The following MAGI1 variants were observed in gnomAD, a reference collection of about 807,000 sequenced individuals.
MAGI1 encodes membrane-associated guanylate kinase, WW and PDZ domain-containing protein 1.
A neutral mutation model predicts 139.9 loss-of-function variants in MAGI1; 58 were observed. The ratio of observed to expected loss-of-function variants is 0.41; its 90% CI spans 0.34 to 0.52. The LOEUF (loss-of-function observed/expected upper bound fraction) is 0.52. MAGI1 is among the 20% of genes least tolerant of loss of function. MAGI1 has a pLI of 0.12. For synonymous variants in MAGI1, 812 were observed against 737.9 expected (o/e 1.10, Z -1.63); for missense variants, 1,874 against 1,901.6 (o/e 0.99, Z 0.27).
chr3:65,838,135 A>C (rs2058688695), intron 1 of MAGI1, among the ~76,000 whole-genome samples: 1 of 152,140 alleles, frequency 6.6e-6, no homozygotes. Context: ...CTGGCTGGGC[A>C]CAGTATTTTA....
Position 66,038,624 on chromosome 3 carries a change from A to ATTTTT in MAGI1, c.-321_-317dup, listed in dbSNP as rs143358407. On this transcript the variant is annotated 5_prime_UTR_variant, in exon 1 of 23. Transcript: ENST00000402939. ...GAGTCCACTCTGCGCCGCTCGGGTT[A>ATTTTT]TTTTTTTTTCCTTCCTTCCTTTCTC... is the stretch of plus-strand genomic sequence containing the variant. 9.5e-6 allele frequency: 3 copies of ATTTTT among 316,168 alleles called. No individual in the cohort carries two copies. Among genetic ancestry groups the ATTTTT allele is most frequent in the Non-Finnish European group, 1.7e-5 (3 of 174,508 alleles). The allele number at this position is 316,168 out of a possible 1,614,324, so 19.6% of individuals were successfully genotyped here. A position where few individuals can be genotyped will look rare whatever the true frequency, so the allele number is the denominator to read the frequency against.
At chr3:65,755,047 G>A (rs1340173377) in intron 1 of MAGI1, among the ~76,000 whole-genome samples, 1 of 151,590 alleles carries the variant, frequency 6.6e-6, no homozygotes, top group Non-Finnish European at 1.5e-5. Flanking sequence ...TCCATGTCCT[G>A]GGTTCCAGCA....
intron 5 of MAGI1, among the ~76,000 whole-genome samples, chr3:65,460,930 T>A (rs1949739273): frequency 6.6e-6 from 1 of 152,222 alleles, no homozygotes; most frequent in Admixed American, 6.5e-5. Flanking sequence ...TGCCACATTT[T>A]CTTTATCCAG....
intron 13 of MAGI1, among the ~76,000 whole-genome samples, chr3:65,393,444 G>A (rs996813014): frequency 6.6e-6 from 1 of 152,020 alleles, no homozygotes; most frequent in African/African-American, 2.4e-5. Context: ...ATGGTGCATA[G>A]AGAATACTTT....
intron 1 of MAGI1, among the ~76,000 whole-genome samples, chr3:65,813,101 C>G (rs1328082391): frequency 6.6e-6 from 1 of 151,922 alleles, no homozygotes; most frequent in Admixed American, 6.6e-5. Flanking sequence ...CAACAGCATT[C>G]AAGGAAACGA....
intron 1 of MAGI1, among the ~76,000 whole-genome samples, chr3:65,643,129 C>T (rs754671634): frequency 5.3e-4 from 81 of 152,332 alleles, no homozygotes; most frequent in Admixed American, 1.6e-3. Flanking sequence ...TTCTGAACTG[C>T]AGCAGACCAG....
chr3:65,449,668 C>T (rs571556218), intron 6 of MAGI1, among the ~76,000 whole-genome samples: 7 of 152,098 alleles, frequency 4.6e-5, no homozygotes, highest in African/African-American at 1.4e-4. Flanking sequence ...CCCAGCCACT[C>T]GGGAGGCTGA....
chr3:65,598,389 G>A (rs2082329271), intron 2 of MAGI1, among the ~76,000 whole-genome samples: 1 of 152,184 alleles, frequency 6.6e-6, no homozygotes, highest in Non-Finnish European at 1.5e-5. Context: ...GAGGGCGAGG[G>A]AAGGGGCGTG....
intron 2 of MAGI1, among the ~76,000 whole-genome samples, chr3:65,565,273 A>G (rs1052178165): frequency 6.6e-6 from 1 of 152,196 alleles, no homozygotes; most frequent in Non-Finnish European, 1.5e-5. Flanking sequence ...CCAATAGAAA[A>G]TAATTATTTT....
chr3:65,571,733 G>A (rs971828754), intron 2 of MAGI1, among the ~76,000 whole-genome samples: 2 of 151,950 alleles, frequency 1.3e-5, no homozygotes, highest in African/African-American at 4.8e-5. Context: ...ACCCATAGGT[G>A]TAGTTGATGA....
chr3:65,514,448 A>T (rs541029161), intron 2 of MAGI1, among the ~76,000 whole-genome samples: 1 of 146,492 alleles, frequency 6.8e-6, no homozygotes, highest in Non-Finnish European at 1.5e-5. Flanking sequence ...CAATGAACTC[A>T]AACAAATTTA....
chr3:65,882,670 C>A (rs185690404), intron 1 of MAGI1, among the ~76,000 whole-genome samples: 7 of 152,268 alleles, frequency 4.6e-5, no homozygotes, highest in African/African-American at 1.4e-4. Context: ...CAGTGGCTCA[C>A]ATCTGTAATC....
intron 2 of MAGI1, among the ~76,000 whole-genome samples, chr3:65,530,458 A>G (rs1243030027): frequency 1.3e-5 from 2 of 151,652 alleles, no homozygotes; most frequent in Non-Finnish European, 2.9e-5. Flanking sequence ...TACAAAAAAT[A>G]CCAAAATTAC....
In MAGI1 at chr3:65,360,350, TC is replaced by T. The variant is rs1205213742; in HGVS notation, c.3634+848del. The T allele has an allele frequency of 5.7e-4, 552 of 972,880 alleles. 1 individual carries two copies. The African/African-American group carries it at 8.8e-3, about 15-fold the overall frequency. 60.3% of individuals were successfully genotyped at this position (972,880 alleles called of 1,614,324 possible). On this transcript the variant is annotated intron_variant, in intron 22 of 22. Transcript: ENST00000402939. The stretch of plus-strand genomic sequence containing the variant: ...GCCCTACATCTAGGGCATAGCTTCT[TC>T]TTTTTTTTTTTTTTTTTAATTTTAA...
intron 1 of MAGI1, among the ~76,000 whole-genome samples, chr3:65,676,288 C>T (rs2087185514): frequency 6.6e-6 from 1 of 152,044 alleles, no homozygotes; most frequent in African/African-American, 2.4e-5. Context: ...AGGATGAAAA[C>T]CTTAATCACA....
At chr3:65,399,871 T>G (rs1166364387) in intron 13 of MAGI1, among the ~76,000 whole-genome samples, 1 of 152,104 alleles carries the variant, frequency 6.6e-6, no homozygotes, top group Non-Finnish European at 1.5e-5. Flanking sequence ...GAATGCAAAA[T>G]GGAAAAGAAC....
intron 1 of MAGI1, among the ~76,000 whole-genome samples, chr3:65,899,410 G>A (rs1250549972): frequency 1.3e-5 from 2 of 152,176 alleles, no homozygotes; most frequent in Non-Finnish European, 2.9e-5. Flanking sequence ...CCATTCCGCT[G>A]AAGAAATCAG....
rs1329159132 is a variant in MAGI1, at chr3:65,353,532, T to C, written c.*2846A>G. On this transcript the variant is annotated 3_prime_UTR_variant, in exon 23 of 23. Coordinates refer to ENST00000402939, the MANE Select transcript of MAGI1 (RefSeq NM_001033057.2). ...ATCAATCCAGAAGCAATAGTGGTTG[T>C]GGAATGCATACATTTCCATGTATTT... 6.6e-6 allele frequency: 1 copy of C among 152,248 alleles called. No homozygotes were observed. The highest frequency in any genetic ancestry group is 1.5e-5 in the Non-Finnish European group (1 of 68,046). 9.4% of individuals were successfully genotyped at this position (152,248 alleles called of 1,614,324 possible).
chr3:65,771,370 A>C (rs2037943053), intron 1 of MAGI1, among the ~76,000 whole-genome samples: 1 of 152,138 alleles, frequency 6.6e-6, no homozygotes, highest in Non-Finnish European at 1.5e-5. Context: ...TAGTAGGTGA[A>C]TATGAGGTGG....
Sources: allele counts gnomAD v4.1 joint callset (sites outside exome capture counted in the v4.1 genomes callset), GRCh38; gene constraint gnomAD v4.1.1; transcripts MANE v1.5; gene names NCBI Gene and HGNC (gene_info 2026-07-23, HGNC 2026-07-21).